Variants in MMP24 observed in about 807,000 individuals in gnomAD.
MMP24 encodes matrix metalloproteinase-24.
MMP24 carries 25 observed loss-of-function variants against 62.8 expected under a neutral mutation model. The ratio of observed to expected loss-of-function variants is 0.40; its 90% confidence interval spans 0.29 to 0.56. MMP24 has a LOEUF of 0.56. Ranked by LOEUF, MMP24 falls within the 20% of genes least tolerant of loss-of-function variation. The probability of loss-of-function intolerance (pLI) is 0.50; values close to 1 mark genes in which losing one functional copy is unlikely to be tolerated. For missense variants in MMP24, 634 were observed against 853.6 expected, an observed-to-expected ratio of 0.74 and a Z score of 3.21; for synonymous variants, 319 against 350.5, an observed-to-expected ratio of 0.91 and a Z score of 1.00.
intron 8 of MMP24, chr20:35,272,127 A>G (rs1326258992): frequency 2.1e-6 from 1 of 474,222 alleles, no homozygotes; most frequent in Non-Finnish European, 3.7e-6. Flanking sequence ...TACTCCAGGG[A>G]CGCCTTGAGT....
chr20:35,261,554 GCCTCAGTTCCAC>G (rs1168427093), intron 4 of MMP24, among the ~76,000 whole-genome samples: 1 of 152,162 alleles, frequency 6.6e-6, no homozygotes, highest in Non-Finnish European at 1.5e-5. Context: ...CCATGGAGCT[GCCTCAGTTCCAC>G]CCTCAGGATC....
chr20:35,274,522 G>C lies in MMP24; in HGVS notation c.1851G>C (p.Val617=), dbSNP rs749106771. The part of the protein sequence containing the change: ...IPCILSLCIL[V]LVYTIFQFKN... ...GCATCCTGTCCCTCTGCATCCTGGT[G>C]CTGGTCTACACCATCTTCCAGTTCA... is the stretch of plus-strand genomic sequence containing the variant. Residue 617 remains valine, a synonymous_variant, in exon 9 of 9, where the codon GTG becomes GTC. Transcript: ENST00000246186. The surrounding 1 kb of genome is among the most constrained non-coding windows in gnomAD (Gnocchi z 5.1). 19 of 1,613,902 alleles carry C rather than the reference G, an allele frequency of 1.2e-5. No individual in the cohort carries two copies. The highest frequency in any genetic ancestry group is 1.7e-5 in the Admixed American group (1 of 60,010).
At position 35,267,239 on chromosome 20, in the gene MMP24, A is replaced by G. The variant is rs1368634160; in HGVS notation, c.1014A>G (p.Pro338=). ...PPAEPLEPTR[P]LPTLPVRRIH... ...CCGAGCCTCTGGAGCCCACAAGGCC[A>G]CTCCCTACACTCCCCGTCCGCAGGA... Residue 338 remains proline (P), a synonymous_variant, in exon 6 of 9, where the codon CCA becomes CCG. Transcript: ENST00000246186. 3 of 1,602,732 alleles carry G rather than the reference A, an allele frequency of 1.9e-6. No individual in the cohort carries two copies. In the African/African-American group the frequency reaches 4.1e-5, roughly 22 times the overall value.
intron 4 of MMP24, chr20:35,263,474 C>T (rs1255504481): frequency 4.9e-6 from 1 of 202,684 alleles, no homozygotes; most frequent in Non-Finnish European, 9.9e-6. Context: ...TCAACTTCAC[C>T]TTTGTGAAGC....
chr20:35,267,040 T>G (rs1377521368), intron 5 of MMP24, among the ~76,000 whole-genome samples, 165 bp from the exon 6 acceptor site: 1 of 152,138 alleles, frequency 6.6e-6, no homozygotes, highest in Non-Finnish European at 1.5e-5. Flanking sequence ...TTCTAATGGC[T>G]ATTTTCATCC....
chr20:35,262,641 CT>C (rs2060610012), intron 4 of MMP24: 2 of 147,420 alleles, frequency 1.4e-5, no homozygotes, highest in Non-Finnish European at 3.0e-5. Context: ...ATTCCTTCCT[CT>C]TTTACTAATC....
rs146459654 is a variant in MMP24, at chr20:35,248,156, G to C, written c.395+1168G>C. 1.6e-4 allele frequency among the ~76,000 whole-genome samples: 24 copies of C among 152,210 alleles called. 1 individual carries two copies. The East Asian group carries it at 4.4e-3, about 28-fold the overall frequency. ...TGGGTGAGGATCCAAGGGAGTTGGT[G>C]GGGGGAGGAACAGGAAATGCACCCA... On this transcript the variant is annotated intron_variant, in intron 2 of 8. Coordinates refer to ENST00000246186, the MANE Select transcript of MMP24 (RefSeq NM_006690.4).
chr20:35,261,388 C>G lies in MMP24; in HGVS notation c.818-2403C>G, dbSNP rs1027102045. Among the ~76,000 whole-genome samples, 170 of 152,332 alleles carry G rather than the reference C, an allele frequency of 1.1e-3. 3 individuals carry two copies. On this transcript the variant is annotated intron_variant, in intron 4 of 8. Transcript: ENST00000246186. ...CCACGCACTTCACGTGTATCTTATT[C>G]AACCTCACACAACCCGGTGAGGTAG...
At chr20:35,241,208 T>A (rs2060486749) in intron 1 of MMP24, among the ~76,000 whole-genome samples, 1 of 152,166 alleles carries the variant, frequency 6.6e-6, no homozygotes, top group African/African-American at 2.4e-5. Context: ...GGCAGAGGAT[T>A]GTCTGGGTCA....
Position 35,245,272 on chromosome 20 carries a change from T to C in MMP24, c.247-1568T>C, listed in dbSNP as rs538438976. Among the ~76,000 whole-genome samples, 13 of 151,876 alleles carry C rather than the reference T, an allele frequency of 8.6e-5. No individual in the cohort carries two copies. In the South Asian group the frequency reaches 2.5e-3, roughly 29 times the overall value. Reference sequence around the variant, plus strand: ...AAACTCTTGGCTTCAAGCCATCCTTTCACCTCAGCCTCTTAAAGCACTGGG... The same window carrying C: ...AAACTCTTGGCTTCAAGCCATCCTTCCACCTCAGCCTCTTAAAGCACTGGG... On this transcript the variant is annotated intron_variant, in intron 1 of 8. Transcript: ENST00000246186.
At chr20:35,272,215 A>G (rs2060674309) in intron 8 of MMP24, 1 of 422,572 alleles carries the variant, frequency 2.4e-6, no homozygotes, top group Non-Finnish European at 4.2e-6. Flanking sequence ...AAGAAGATGG[A>G]AAGAAAACCT....
chr20:35,227,072 G>A, intron 1 of MMP24, 88 bp downstream of exon 1: 1 of 947,248 alleles, frequency 1.1e-6, no homozygotes, highest in Non-Finnish European at 1.3e-6. Flanking sequence ...GGGCCGGGCC[G>A]CACCTACTGC....
At chr20:35,228,820 A>G (rs551534160) in intron 1 of MMP24, among the ~76,000 whole-genome samples, 1 of 152,258 alleles carries the variant, frequency 6.6e-6, no homozygotes, top group African/African-American at 2.4e-5. Flanking sequence ...TCTCTGGGTC[A>G]TTTTAGTTGT....
intron 4 of MMP24, among the ~76,000 whole-genome samples, chr20:35,255,793 T>C (rs921350446): frequency 3.3e-5 from 5 of 152,212 alleles, no homozygotes; most frequent in African/African-American, 1.2e-4. Context: ...AGTGAGGGGC[T>C]GGATTAGGTG....
intron 6 of MMP24, chr20:35,267,768 C>G (rs1287614372): frequency 2.1e-5 from 7 of 329,810 alleles, no homozygotes; most frequent in Non-Finnish European, 4.0e-5. Context: ...TGTGAAGATC[C>G]AGTGAGTACC....
At position 35,254,507 on chromosome 20, in the gene MMP24, G is replaced by A. The variant is rs766115909; in HGVS notation, c.570G>A (p.Gln190=). The part of the protein sequence containing the change: ...GELDTRKAIR[Q]AFDVWQKVTP... Reference sequence around the variant, plus strand: ...TAGACACGCGGAAAGCTATTCGCCAGGCTTTCGATGTGTGGCAGAAGGTGA... The same window carrying A: ...TAGACACGCGGAAAGCTATTCGCCAAGCTTTCGATGTGTGGCAGAAGGTGA... The change falls in exon 4 of 9, where the codon CAG becomes CAA. Residue 190 remains glutamine (Q), a synonymous_variant. Transcript: ENST00000246186. 3.7e-6 allele frequency: 6 copies of A among 1,614,050 alleles called. No individual in the cohort carries two copies. The highest frequency in any genetic ancestry group is 5.1e-6 in the Non-Finnish European group (6 of 1,179,900).
intron 2 of MMP24, among the ~76,000 whole-genome samples, chr20:35,248,510 G>A (rs937827807): frequency 1.3e-5 from 2 of 152,036 alleles, no homozygotes; most frequent in African/African-American, 4.8e-5. Context: ...GTTTCACCAT[G>A]TTGGCCAGGC....
At position 35,259,151 on chromosome 20, in the gene MMP24, A is replaced by G. The variant is rs996892954; in HGVS notation, c.817+4397A>G. On this transcript the variant is annotated intron_variant, in intron 4 of 8. Transcript: ENST00000246186. ...AGCCGAGATTGCACCACTACACTCC[A>G]ACCTGGGTGACAGAGTGAGATCCTG... is the stretch of plus-strand genomic sequence containing the variant. Among the ~76,000 whole-genome samples, 3 of 152,330 alleles carry G rather than the reference A, an allele frequency of 2.0e-5. No homozygotes were observed. In the East Asian group the frequency reaches 5.8e-4, roughly 29 times the overall value.
At chr20:35,266,546 C>T (rs1414272240) in intron 5 of MMP24, among the ~76,000 whole-genome samples, 6 of 151,874 alleles carry the variant, frequency 4.0e-5, no homozygotes, top group African/African-American at 1.2e-4. Context: ...GATGAGGACA[C>T]GCAGCCAGCA....
Sources: gnomAD v4.1 joint callset for allele counts (sites outside exome capture counted in the v4.1 genomes callset) on GRCh38, gnomAD v4.1.1 for gene constraint, Gnocchi (gnomAD v3.1) non-coding constraint, MANE v1.5 for transcripts, NCBI Gene and HGNC (gene_info 2026-07-23, HGNC 2026-07-21) for gene names.